Variants in CFAP299 observed in about 807,000 individuals in gnomAD.
The protein encoded by CFAP299 is cilia and flagella associated protein 299.
CFAP299 carries 21 observed loss-of-function variants against 27.0 expected under a neutral mutation model. That is an observed-to-expected ratio of 0.78 (90% CI 0.55 to 1.12). CFAP299 has a LOEUF of 1.12. Among genes scored for constraint, CFAP299 ranks in the 50% most tolerant of loss-of-function variants. The probability of loss-of-function intolerance (pLI) is 0.00; values close to 1 mark genes in which losing one functional copy is unlikely to be tolerated. For missense variants in CFAP299, 310 were observed against 276.6 expected, an observed-to-expected ratio of 1.12 and a Z score of -0.86; for synonymous variants, 104 against 98.1, an observed-to-expected ratio of 1.06 and a Z score of -0.36.
Position 80,335,800 on chromosome 4 carries a change from A to G in CFAP299, c.32A>G (p.Asp11Gly). Residue 11 changes from aspartate (D) to glycine (G), a missense_variant, in exon 1 of 6, where the codon GAC (aspartate) becomes GGC (glycine). Physicochemically the swap from Asp to Gly is moderately conservative, Grantham distance 94. Transcript: ENST00000358105. MDQEEGLKAL[D>G]NIVTQFNAYE... ...CAGGAAGAGGGGCTGAAGGCCTTGG[A>G]CAATATTGTCACTCAATTCAACGCC... 1 of 1,613,412 alleles carries G rather than the reference A, an allele frequency of 6.2e-7. No individual in the cohort carries two copies. The highest frequency in any genetic ancestry group is 8.5e-7 in the Non-Finnish European group (1 of 1,179,344).
intron 2 of CFAP299, among the ~76,000 whole-genome samples, chr4:80,399,503 A>C (rs958837834): frequency 6.6e-6 from 1 of 152,154 alleles, no homozygotes; most frequent in Non-Finnish European, 1.5e-5. Context: ...ATGGAATACT[A>C]TACGGCCATA....
At chr4:80,777,483 TC>T (rs1726618144) in intron 3 of CFAP299, among the ~76,000 whole-genome samples, 1 of 152,042 alleles carries the variant, frequency 6.6e-6, no homozygotes, top group Admixed American at 6.6e-5. Flanking sequence ...CTACTAACTC[TC>T]CCAAATTTCT....
chr4:80,464,945 C>T (rs141236727), intron 2 of CFAP299, among the ~76,000 whole-genome samples: 86 of 152,032 alleles, frequency 5.7e-4, no homozygotes, highest in African/African-American at 1.9e-3. Flanking sequence ...TAATGCTTTA[C>T]GAATGGTATT....
intron 3 of CFAP299, among the ~76,000 whole-genome samples, chr4:80,729,211 A>G (rs1424311715): frequency 1.3e-5 from 2 of 152,078 alleles, no homozygotes; most frequent in East Asian, 3.9e-4. Flanking sequence ...TTTGACTTAC[A>G]CAATTGCCAG....
chr4:80,474,865 G>A (rs1659407515), intron 2 of CFAP299, among the ~76,000 whole-genome samples: 1 of 152,146 alleles, frequency 6.6e-6, no homozygotes, highest in African/African-American at 2.4e-5. Context: ...TCATAAACAA[G>A]TAATGAGATC....
the CFAP299 span, among the ~76,000 whole-genome samples, chr4:80,322,084 G>A: frequency 6.6e-6 from 1 of 152,170 alleles, no homozygotes; most frequent in African/African-American, 2.4e-5. Flanking sequence ...GTGGGCTGGG[G>A]CAATTGTGAC....
chr4:80,420,364 C>A, intron 2 of CFAP299: 1 of 323,616 alleles, frequency 3.1e-6, no homozygotes. Flanking sequence ...GCCCTCTGAA[C>A]AGTCATCTCA....
chr4:80,632,736 A>G (rs1484342300), intron 3 of CFAP299, among the ~76,000 whole-genome samples: 2 of 151,658 alleles, frequency 1.3e-5, no homozygotes, highest in African/African-American at 4.9e-5. Flanking sequence ...GCATGCATTC[A>G]ACACTTAAAC....
rs148298067 is a variant in CFAP299 at position 80,826,493 on chromosome 4, G to A, written c.334-43500G>A. Among the ~76,000 whole-genome samples, 377 of 151,642 alleles carry A rather than the reference G, an allele frequency of 2.5e-3. 5 individuals are homozygous for A. The highest frequency in any genetic ancestry group is 8.5e-3 in the African/African-American group (351 of 41,460). On this transcript the variant is annotated intron_variant, in intron 3 of 5. Transcript: ENST00000358105. The stretch of plus-strand genomic sequence containing the variant: ...GAAGAACATTATTTATTAATAAAAG[G>A]TTTAATATAGCAAGAATATATAATA...
At chr4:80,936,183 T>G (rs1269932149) in intron 4 of CFAP299, among the ~76,000 whole-genome samples, 1 of 152,116 alleles carries the variant, frequency 6.6e-6, no homozygotes, top group Non-Finnish European at 1.5e-5. Flanking sequence ...GCATATACAC[T>G]GTTGGTGGGA....
At chr4:80,411,090 A>G (rs1355476361) in intron 2 of CFAP299, among the ~76,000 whole-genome samples, 4 of 152,178 alleles carry the variant, frequency 2.6e-5, no homozygotes, top group African/African-American at 9.6e-5. Context: ...GTATGTAACC[A>G]GAGATATTTA....
chr4:80,751,179 T>C (rs1034504653), intron 3 of CFAP299, among the ~76,000 whole-genome samples: 4 of 152,078 alleles, frequency 2.6e-5, no homozygotes, highest in Non-Finnish European at 5.9e-5. Context: ...GTTGCTGACC[T>C]TTGAATGAGG....
chr4:80,960,112 TA>T (rs397971653), intron 5 of CFAP299, among the ~76,000 whole-genome samples: 1,573 of 138,522 alleles, frequency 0.011, 15 homozygotes, highest in African/African-American at 0.026. Flanking sequence ...CATAGGAAGT[TA>T]AAAAAAAAAA....
chr4:80,491,022 G>GA (rs1377377012), intron 2 of CFAP299, among the ~76,000 whole-genome samples: 2 of 150,440 alleles, frequency 1.3e-5, no homozygotes, highest in Non-Finnish European at 3.0e-5. Context: ...CATTCTGCTT[G>GA]AAAAAAAATG....
intron 3 of CFAP299, among the ~76,000 whole-genome samples, chr4:80,710,567 G>A (rs566230255): frequency 3.8e-5 from 3 of 79,542 alleles, no homozygotes; most frequent in East Asian, 8.4e-4. Context: ...ATTCACATAC[G>A]AGAAATAAGA....
At chr4:80,918,738 C>T (rs1024932625) in intron 4 of CFAP299, among the ~76,000 whole-genome samples, 1 of 152,076 alleles carries the variant, frequency 6.6e-6, no homozygotes, top group African/African-American at 2.4e-5. Flanking sequence ...TGTCCAGGCA[C>T]AGGTTGCACA....
chr4:80,403,607 T>G (rs1387174675), intron 2 of CFAP299, among the ~76,000 whole-genome samples: 1 of 152,160 alleles, frequency 6.6e-6, no homozygotes, highest in South Asian at 2.1e-4. Context: ...TTTTAGTTCA[T>G]ATGTCATCTT....
At chr4:80,559,171 G>A (rs1734923147) in intron 2 of CFAP299, among the ~76,000 whole-genome samples, 1 of 152,112 alleles carries the variant, frequency 6.6e-6, no homozygotes, top group Admixed American at 6.6e-5. Context: ...CTAGGGGTTG[G>A]TTTCTCTTTT....
intron 4 of CFAP299, among the ~76,000 whole-genome samples, chr4:80,924,855 T>C (rs1044806581): frequency 1.3e-5 from 2 of 151,736 alleles, no homozygotes; most frequent in African/African-American, 2.4e-5. Context: ...GCAATGCTTA[T>C]GCTTATTACA....
Sources: allele counts gnomAD v4.1 joint callset (sites outside exome capture counted in the v4.1 genomes callset), GRCh38; gene constraint gnomAD v4.1.1; transcripts MANE v1.5; gene names NCBI Gene and HGNC (gene_info 2026-07-23, HGNC 2026-07-21).